Variants in GRIA4 observed in about 807,000 individuals in gnomAD.
GRIA4 encodes the protein glutamate ionotropic receptor AMPA type subunit 4.
GRIA4 carries 34 observed loss-of-function variants against 104.0 expected under a neutral mutation model. That is an observed-to-expected ratio of 0.33 (90% CI 0.25 to 0.44). The LOEUF is 0.44. GRIA4 is among the 20% of genes least tolerant of loss of function. The pLI is 1.00. For synonymous variants in GRIA4, 386 were observed against 381.9 expected (o/e 1.01, Z -0.13); for missense variants, 750 against 1,096.5 (o/e 0.68, Z 4.46).
chr11:105,940,370 A>G (rs967814798), intron 14 of GRIA4, among the ~76,000 whole-genome samples: 72 of 152,172 alleles, frequency 4.7e-4, no homozygotes, highest in African/African-American at 1.7e-3. Flanking sequence ...GCAACAGAGA[A>G]AGACCCTGTC....
chr11:105,890,162 T>C (rs1946407755), intron 6 of GRIA4, among the ~76,000 whole-genome samples: 1 of 152,186 alleles, frequency 6.6e-6, no homozygotes, highest in African/African-American at 2.4e-5. Context: ...CAATATGGGA[T>C]GCATGAAATT....
intron 4 of GRIA4, among the ~76,000 whole-genome samples, chr11:105,822,232 G>C (rs1489842430): frequency 1.3e-4 from 20 of 152,090 alleles, no homozygotes; most frequent in Non-Finnish European, 2.2e-4. Flanking sequence ...CCAGGCAAAA[G>C]ACATATAGCT....
chr11:105,873,683 C>G (rs530153355), intron 5 of GRIA4, among the ~76,000 whole-genome samples: 2 of 152,208 alleles, frequency 1.3e-5, no homozygotes, highest in South Asian at 4.1e-4. Context: ...TGATCAGGAG[C>G]TTTTTTTCAT....
intron 4 of GRIA4, among the ~76,000 whole-genome samples, chr11:105,831,244 CT>C (rs1943965097): frequency 1.3e-5 from 2 of 151,952 alleles, no homozygotes; most frequent in Non-Finnish European, 2.9e-5. Context: ...TTTTCTCCTC[CT>C]TGTGGCTTTC....
intron 6 of GRIA4, among the ~76,000 whole-genome samples, chr11:105,889,948 G>GCTATA (rs1946401220): frequency 6.6e-6 from 1 of 152,056 alleles, no homozygotes; most frequent in Admixed American, 6.6e-5. Context: ...ATGGAGAACT[G>GCTATA]CTATACTTAA....
intron 4 of GRIA4, among the ~76,000 whole-genome samples, chr11:105,860,504 T>G (rs1449905690): frequency 6.6e-6 from 1 of 152,186 alleles, no homozygotes; most frequent in Non-Finnish European, 1.5e-5. Flanking sequence ...CTCAAATAAG[T>G]GTTAGACTTT....
At chr11:105,783,986 C>T (rs979422655) in intron 4 of GRIA4, among the ~76,000 whole-genome samples, 7 of 152,122 alleles carry the variant, frequency 4.6e-5, no homozygotes, top group African/African-American at 1.7e-4. Flanking sequence ...GTTTGTAAGC[C>T]TATTTGGATT....
chr11:105,733,217 C>A (rs1246856804), intron 3 of GRIA4, among the ~76,000 whole-genome samples: 11 of 152,140 alleles, frequency 7.2e-5, no homozygotes, highest in African/African-American at 2.4e-5. Flanking sequence ...CCAATGTTAT[C>A]TTTAATATCG....
chr11:105,891,711 C>T (rs1300547825), intron 6 of GRIA4, among the ~76,000 whole-genome samples: 1 of 152,142 alleles, frequency 6.6e-6, no homozygotes, highest in African/African-American at 2.4e-5. Context: ...TCAAACTACC[C>T]TGTGTACTCA....
At chr11:105,978,900 TGGGA>T (rs989159792) in intron 16 of GRIA4, among the ~76,000 whole-genome samples, 4 of 152,194 alleles carry the variant, frequency 2.6e-5, no homozygotes, top group African/African-American at 9.6e-5. Context: ...AACCTCAATA[TGGGA>T]GGTTCCCCAG....
At chr11:105,742,427 T>C in intron 3 of GRIA4, among the ~76,000 whole-genome samples, 1 of 152,128 alleles carries the variant, frequency 6.6e-6, no homozygotes, top group East Asian at 1.9e-4. Context: ...ATTCTATCTT[T>C]CTGGAGCCTC....
Position 105,881,696 on chromosome 11 carries a change from AACACAC to A in GRIA4, c.673-5810_673-5805del, listed in dbSNP as rs35127883. On this transcript the variant is annotated intron_variant, in intron 5 of 16. Transcript: ENST00000282499. ...ACGTCTCCAAGTATAGAAGAAAATA[AACACAC>A]ACACACACACACGCCCCTGCATACA... Among the ~76,000 whole-genome samples the A allele has an allele frequency of 4.5e-3, 676 of 150,798 alleles. 3 individuals are homozygous for A. The highest frequency in any genetic ancestry group is 0.015 in the African/African-American group (605 of 41,184).
At chr11:105,759,859 TCTAA>T (rs1463830848) in intron 4 of GRIA4, among the ~76,000 whole-genome samples, 22 of 152,078 alleles carry the variant, frequency 1.4e-4, no homozygotes, top group African/African-American at 5.3e-4. Context: ...AACACTTCAT[TCTAA>T]CTATTTGTTT....
At chr11:105,906,330 C>G (rs1052810541) in intron 9 of GRIA4, among the ~76,000 whole-genome samples, 2 of 151,980 alleles carry the variant, frequency 1.3e-5, no homozygotes, top group Non-Finnish European at 2.9e-5. Context: ...TTCTCCCTTA[C>G]TGATCTACAT....
chr11:105,977,593 C>A (rs1859050424), intron 16 of GRIA4, among the ~76,000 whole-genome samples: 1 of 151,876 alleles, frequency 6.6e-6, no homozygotes, highest in South Asian at 2.1e-4. Flanking sequence ...GGGTTCTGAC[C>A]CCCAAAATGT....
At chr11:105,970,662 C>T (rs766543310) in intron 14 of GRIA4, among the ~76,000 whole-genome samples, 27 of 152,046 alleles carry the variant, frequency 1.8e-4, no homozygotes, top group Non-Finnish European at 3.1e-4. Flanking sequence ...AATGAATTCC[C>T]AATAAATGCA....
intron 8 of GRIA4, 101 bp downstream of exon 8, chr11:105,904,082 A>C: frequency 1.3e-6 from 1 of 766,708 alleles, no homozygotes; most frequent in Admixed American, 2.7e-5. Flanking sequence ...TACATATTAC[A>C]ATTGCTACTT....
intron 5 of GRIA4, among the ~76,000 whole-genome samples, chr11:105,886,573 C>G (rs1194384182): frequency 2.0e-5 from 3 of 151,436 alleles, no homozygotes; most frequent in Non-Finnish European, 4.4e-5. Context: ...AACGGTTTTC[C>G]TACATTTCAT....
intron 3 of GRIA4, among the ~76,000 whole-genome samples, chr11:105,737,136 T>C (rs1346558715): frequency 6.6e-6 from 1 of 152,118 alleles, no homozygotes; most frequent in Admixed American, 6.6e-5. Context: ...GGAAATGGTC[T>C]GAGAACTCAA....
Sources: allele counts gnomAD v4.1 joint callset (sites outside exome capture counted in the v4.1 genomes callset), GRCh38; gene constraint gnomAD v4.1.1; transcripts MANE v1.5; gene names NCBI Gene and HGNC (gene_info 2026-07-23, HGNC 2026-07-21).